The following SMYD3 variants were observed in gnomAD, a reference collection of about 807,000 sequenced individuals.
SMYD3 encodes the protein histone-lysine N-methyltransferase SMYD3.
In SMYD3, 36 loss-of-function variants were observed where a neutral mutation model predicts 57.7. The observed-to-expected ratio is 0.62, with a 90% confidence interval of 0.48 to 0.82. The LOEUF (loss-of-function observed/expected upper bound fraction) is 0.82. Ranked by LOEUF, SMYD3 falls within the 40% of genes least tolerant of loss-of-function variation. SMYD3 has a pLI of 0.00. For synonymous variants in SMYD3, 211 were observed against 195.0 expected (o/e 1.08, Z -0.68); for missense variants, 515 against 538.8 (o/e 0.96, Z 0.44).
chr1:245,835,309 G>A (rs12036285), intron 10 of SMYD3, among the ~76,000 whole-genome samples: 18,729 of 151,780 alleles, frequency 0.12, 1,282 homozygotes, highest in South Asian at 0.21. Context: ...TAGTAGAGAC[G>A]GAGTTTCACC....
intron 10 of SMYD3, among the ~76,000 whole-genome samples, chr1:245,856,729 T>A (rs1183502963): frequency 6.6e-6 from 1 of 152,032 alleles, no homozygotes; most frequent in Non-Finnish European, 1.5e-5. Context: ...TGCTTAAGAG[T>A]GGCCCGAGCA....
intron 5 of SMYD3, among the ~76,000 whole-genome samples, chr1:246,104,104 GAAA>G (rs2061073759): frequency 6.6e-6 from 1 of 152,162 alleles, no homozygotes; most frequent in Admixed American, 6.5e-5. Flanking sequence ...TCCTTTGAAA[GAAA>G]AGTCTATGAA....
At chr1:246,044,242 C>G (rs531481350) in intron 5 of SMYD3, among the ~76,000 whole-genome samples, 46 of 152,216 alleles carry the variant, frequency 3.0e-4, no homozygotes, top group African/African-American at 1.0e-3. Context: ...ATTTAGTTCT[C>G]AGTGCAAATT....
At chr1:246,158,863 G>T (rs965078020) in intron 5 of SMYD3, among the ~76,000 whole-genome samples, 3 of 152,148 alleles carry the variant, frequency 2.0e-5, no homozygotes, top group Non-Finnish European at 4.4e-5. Context: ...CATCAGCATA[G>T]TTCTCAGTAC....
intron 10 of SMYD3, among the ~76,000 whole-genome samples, chr1:245,813,650 G>A (rs1252268316): frequency 1.3e-5 from 2 of 152,164 alleles, no homozygotes; most frequent in African/African-American, 2.4e-5. Context: ...GGGCAACAGC[G>A]CTGCATGTCA....
chr1:245,900,745 T>C (rs2054131276), intron 8 of SMYD3, among the ~76,000 whole-genome samples: 1 of 152,218 alleles, frequency 6.6e-6, no homozygotes, highest in Non-Finnish European at 1.5e-5. Context: ...AAGATCATCA[T>C]TCATTCACTC....
At chr1:246,088,553 T>C (rs1163398459) in intron 5 of SMYD3, among the ~76,000 whole-genome samples, 3 of 139,622 alleles carry the variant, frequency 2.1e-5, no homozygotes, top group African/African-American at 6.0e-5. Context: ...GAGCTTGCAG[T>C]GAGCCGAGAT....
chr1:246,167,847 A>C (rs1231611365), intron 5 of SMYD3, among the ~76,000 whole-genome samples: 4 of 152,108 alleles, frequency 2.6e-5, no homozygotes, highest in African/African-American at 9.7e-5. Flanking sequence ...TTAATAACTG[A>C]TGATGAGGAG....
At chr1:245,948,651 T>C (rs200181767) in intron 5 of SMYD3, among the ~76,000 whole-genome samples, 12,166 of 149,438 alleles carry the variant, frequency 0.081, 849 homozygotes, top group East Asian at 0.27. Flanking sequence ...GGGCCCCAAA[T>C]AGCCCTTGAA....
chr1:245,966,720 T>C (rs1484102387), intron 5 of SMYD3, among the ~76,000 whole-genome samples: 2 of 152,254 alleles, frequency 1.3e-5, no homozygotes, highest in African/African-American at 2.4e-5. Context: ...CTTATTTCCT[T>C]TCTACCCCCA....
intron 5 of SMYD3, among the ~76,000 whole-genome samples, chr1:246,207,328 T>C (rs950228784): frequency 1.3e-5 from 2 of 152,168 alleles, no homozygotes; most frequent in Non-Finnish European, 2.9e-5. Flanking sequence ...GTTTCTCTTT[T>C]ACTTACACTG....
chr1:246,307,783 C>T (rs1486439229), intron 5 of SMYD3, among the ~76,000 whole-genome samples: 1 of 152,130 alleles, frequency 6.6e-6, no homozygotes, highest in Admixed American at 6.5e-5. Context: ...GGAAGTGAGG[C>T]TCACTAGAAC....
rs143178030 is a variant in SMYD3, at chr1:246,301,897, G to C, written c.531+25304C>G. Among the ~76,000 whole-genome samples, 22 of 152,284 alleles carry C rather than the reference G, an allele frequency of 1.4e-4. 1 individual carries two copies. In the East Asian group the frequency reaches 4.2e-3, roughly 29 times the overall value. On this transcript the variant is annotated intron_variant, in intron 5 of 11. Coordinates refer to ENST00000490107, the MANE Select transcript of SMYD3 (RefSeq NM_001167740.2). The stretch of plus-strand genomic sequence containing the variant: ...AGTTTAAGAGAGGGACAGAAAGTAA[G>C]CAAGGAAGCTGCACTATTTCTGTCA...
At chr1:246,049,541 G>A (rs999790954) in intron 5 of SMYD3, among the ~76,000 whole-genome samples, 20 of 151,176 alleles carry the variant, frequency 1.3e-4, no homozygotes, top group Non-Finnish European at 2.7e-4. Flanking sequence ...TCCTGACCTC[G>A]TGATCCGCCC....
intron 5 of SMYD3, among the ~76,000 whole-genome samples, chr1:246,268,596 C>A (rs2064156156): frequency 6.6e-6 from 1 of 151,934 alleles, no homozygotes; most frequent in South Asian, 2.1e-4. Flanking sequence ...CCCAGCTACC[C>A]GGGAGGCTGA....
chr1:246,449,543 C>G (rs1006449428), intron 1 of SMYD3, among the ~76,000 whole-genome samples: 1 of 152,202 alleles, frequency 6.6e-6, no homozygotes, highest in Admixed American at 6.5e-5. Flanking sequence ...CAGCGATTAC[C>G]TTATGCAAGT....
chr1:245,801,271 A>AATAGTGTC (rs2047847842), intron 10 of SMYD3, among the ~76,000 whole-genome samples: 1 of 152,256 alleles, frequency 6.6e-6, no homozygotes, highest in South Asian at 2.1e-4. Context: ...CAAAAACAAT[A>AATAGTGTC]ATAGTGTCAA....
intron 5 of SMYD3, among the ~76,000 whole-genome samples, chr1:246,281,343 G>C (rs932548303): frequency 6.6e-6 from 1 of 152,180 alleles, no homozygotes; most frequent in Non-Finnish European, 1.5e-5. Context: ...GGCTGCCATT[G>C]ATTGGCAACC....
At chr1:246,402,719 G>C (rs1046661771) in intron 1 of SMYD3, among the ~76,000 whole-genome samples, 2 of 152,116 alleles carry the variant, frequency 1.3e-5, no homozygotes, top group African/African-American at 4.8e-5. Context: ...ACTTTAATTA[G>C]AAGCTCAAAT....
Sources: gnomAD v4.1 joint callset for allele counts (sites outside exome capture counted in the v4.1 genomes callset) on GRCh38, gnomAD v4.1.1 for gene constraint, MANE v1.5 for transcripts, NCBI Gene and HGNC (gene_info 2026-07-23, HGNC 2026-07-21) for gene names.